Variants in SPPL3 observed in about 807,000 individuals in gnomAD.
SPPL3 encodes the protein signal peptide peptidase like 3.
A neutral mutation model predicts 42.4 loss-of-function variants in SPPL3; 5 were observed. The ratio of observed to expected loss-of-function variants is 0.12; its 90% CI spans 0.06 to 0.25. The LOEUF (loss-of-function observed/expected upper bound fraction) is 0.25, where lower values mean the gene tolerates loss of function less well. Among genes scored for constraint, SPPL3 ranks in the 10% least tolerant of loss-of-function variants. The probability of loss-of-function intolerance (pLI) is 1.00; values close to 1 mark genes in which losing one functional copy is unlikely to be tolerated. For missense variants in SPPL3, 235 were observed against 489.0 expected, an observed-to-expected ratio of 0.48 and a Z score of 4.90; for synonymous variants, 195 against 181.8, an observed-to-expected ratio of 1.07 and a Z score of -0.58.
At chr12:120,878,127 G>C (rs1873164300) in intron 1 of SPPL3, among the ~76,000 whole-genome samples, 1 of 152,040 alleles carries the variant, frequency 6.6e-6, no homozygotes, top group South Asian at 2.1e-4. Context: ...TACCAGTAAT[G>C]ACCAGCTAGG....
intron 1 of SPPL3, among the ~76,000 whole-genome samples, chr12:120,900,597 G>GAA (rs10657271): frequency 0.16 from 20,077 of 122,848 alleles, 2,938 homozygotes; most frequent in East Asian, 0.41. Flanking sequence ...CTGTCTCAAG[G>GAA]AAAAAAAAAA....
chr12:120,771,067 C>A (rs925982245), intron 6 of SPPL3, among the ~76,000 whole-genome samples: 2 of 152,226 alleles, frequency 1.3e-5, no homozygotes, highest in African/African-American at 2.4e-5. Flanking sequence ...TGCATTGCTG[C>A]AATGACCTCC....
At chr12:120,863,638 T>A (rs1225099421) in intron 1 of SPPL3, among the ~76,000 whole-genome samples, 1 of 152,116 alleles carries the variant, frequency 6.6e-6, no homozygotes, top group East Asian at 1.9e-4. Flanking sequence ...TGAAATGAAA[T>A]TCTACAGATG....
At chr12:120,880,285 C>CA (rs779388381) in intron 1 of SPPL3, among the ~76,000 whole-genome samples, 8 of 151,804 alleles carry the variant, frequency 5.3e-5, no homozygotes, top group Non-Finnish European at 1.2e-4. Context: ...AAAAATGGAT[C>CA]AAAAACATAC....
At chr12:120,899,585 TG>T (rs1873910862) in intron 1 of SPPL3, among the ~76,000 whole-genome samples, 1 of 152,038 alleles carries the variant, frequency 6.6e-6, no homozygotes, top group African/African-American at 2.4e-5. Context: ...CAGACAGAAC[TG>T]TAAGTATTAA....
chr12:120,766,135 C>A lies in SPPL3; in HGVS notation c.1083+128G>T, dbSNP rs1302248328. On this transcript the variant is annotated intron_variant, in intron 10 of 10. Transcript: ENST00000353487. ...ACACACACACACACACACACACACA[C>A]ACACACAGTCGAGATCACAAGCTCA... The A allele has an allele frequency of 5.5e-5, 36 of 656,598 alleles. 1 individual carries two copies. The South Asian group carries it at 5.6e-4, about 10-fold the overall frequency. 40.7% of individuals were successfully genotyped at this position (656,598 alleles called of 1,614,324 possible). A position where few individuals can be genotyped will look rare whatever the true frequency, so the allele number is the denominator to read the frequency against.
At chr12:120,787,458 T>C (rs921282798) in intron 3 of SPPL3, among the ~76,000 whole-genome samples, 13 of 152,270 alleles carry the variant, frequency 8.5e-5, no homozygotes, top group African/African-American at 2.4e-4. Context: ...GCAGAGAAGT[T>C]AGAACAAGGT....
intron 1 of SPPL3, among the ~76,000 whole-genome samples, chr12:120,901,315 G>A (rs1190467396): frequency 6.6e-6 from 1 of 151,922 alleles, no homozygotes; most frequent in African/African-American, 2.4e-5. Flanking sequence ...AGCTGTGGCC[G>A]GGCACGGTGG....
Position 120,798,059 on chromosome 12 carries a change from G to A in SPPL3, c.102-6502C>T, listed in dbSNP as rs115533116. ...CTGTTCTCATATAAATCTGGCCAAC[G>A]AACTGTTTAGCAAACTGTTCCACTG... On this transcript the variant is annotated intron_variant, in intron 2 of 10. Transcript: ENST00000353487. Among the ~76,000 whole-genome samples, 991 of 152,184 alleles carry A rather than the reference G, an allele frequency of 6.5e-3. 17 individuals are homozygous for A. The highest frequency in any genetic ancestry group is 0.023 in the African/African-American group (936 of 41,498).
At chr12:120,808,245 T>G (rs560840554) in intron 2 of SPPL3, among the ~76,000 whole-genome samples, 1 of 152,152 alleles carries the variant, frequency 6.6e-6, no homozygotes, top group South Asian at 2.1e-4. Context: ...GCCCAGCTAA[T>G]TTTTGCATAT....
intron 1 of SPPL3, among the ~76,000 whole-genome samples, chr12:120,837,057 C>T (rs1566056435): frequency 6.6e-6 from 1 of 152,040 alleles, no homozygotes; most frequent in Non-Finnish European, 1.5e-5. Flanking sequence ...TGACATTAAG[C>T]TACTAGGTTT....
chr12:120,867,755 T>A (rs149035530), intron 1 of SPPL3, among the ~76,000 whole-genome samples: 3 of 4,626 alleles, frequency 6.5e-4, no homozygotes, highest in African/African-American at 5.7e-4. Context: ...TAAAAAAAAA[T>A]TTTTTTTTGA....
chr12:120,877,208 T>C (rs894344666), intron 1 of SPPL3, among the ~76,000 whole-genome samples: 1 of 152,168 alleles, frequency 6.6e-6, no homozygotes, highest in African/African-American at 2.4e-5. Context: ...CAATATCTGG[T>C]AACAAAATTG....
At chr12:120,771,108 C>T (rs1201927940) in intron 6 of SPPL3, among the ~76,000 whole-genome samples, 1 of 152,206 alleles carries the variant, frequency 6.6e-6, no homozygotes, top group Non-Finnish European at 1.5e-5. Flanking sequence ...AACTTAACCC[C>T]TAACAAGTCT....
chr12:120,810,534 T>G (rs1870650531), intron 2 of SPPL3, among the ~76,000 whole-genome samples: 1 of 152,224 alleles, frequency 6.6e-6, no homozygotes, highest in African/African-American at 2.4e-5. Flanking sequence ...CTTAACCTTC[T>G]TAATAAAGAG....
chr12:120,836,878 A>G (rs1871637998), intron 1 of SPPL3, among the ~76,000 whole-genome samples: 1 of 152,206 alleles, frequency 6.6e-6, no homozygotes, highest in Non-Finnish European at 1.5e-5. Flanking sequence ...GGGGTATCTG[A>G]ATAAGATAAA....
At chr12:120,785,297 G>A (rs1017288475) in intron 3 of SPPL3, among the ~76,000 whole-genome samples, 3 of 151,984 alleles carry the variant, frequency 2.0e-5, no homozygotes, top group Admixed American at 1.3e-4. Context: ...TAAGGTACCA[G>A]AATAGGAGAT....
intron 1 of SPPL3, among the ~76,000 whole-genome samples, chr12:120,844,206 T>A (rs879775681): frequency 3.3e-5 from 5 of 152,136 alleles, no homozygotes; most frequent in Non-Finnish European, 7.4e-5. Context: ...AAAGGCACCA[T>A]CCACCCTAGC....
intron 1 of SPPL3, chr12:120,811,513 C>T (rs914299980): frequency 6.6e-6 from 1 of 152,212 alleles, no homozygotes; most frequent in African/African-American, 2.4e-5. Context: ...CTTTCTCTTA[C>T]TTCCACATCC....
Sources: gnomAD v4.1 joint callset for allele counts (sites outside exome capture counted in the v4.1 genomes callset) on GRCh38, gnomAD v4.1.1 for gene constraint, MANE v1.5 for transcripts, NCBI Gene and HGNC (gene_info 2026-07-23, HGNC 2026-07-21) for gene names.